Variants in PBX3 observed in about 807,000 individuals in gnomAD.
The protein encoded by PBX3 is PBX homeobox 3.
In PBX3, 14 loss-of-function variants were observed where a neutral mutation model predicts 48.5. That is an observed-to-expected ratio of 0.29 (90% CI 0.19 to 0.45). PBX3 has a LOEUF of 0.45. Ranked by LOEUF, PBX3 falls within the 20% of genes least tolerant of loss-of-function variation. The pLI is 1.00. For synonymous variants in PBX3, 210 were observed against 200.3 expected (o/e 1.05, Z -0.41); for missense variants, 386 against 546.7 (o/e 0.71, Z 2.93).
At chr9:125,777,750 C>A (rs1474922116) in intron 2 of PBX3, among the ~76,000 whole-genome samples, 2 of 152,102 alleles carry the variant, frequency 1.3e-5, no homozygotes, top group Non-Finnish European at 2.9e-5. Flanking sequence ...TTACTTTACT[C>A]TCTTTCTTTG....
intron 2 of PBX3, among the ~76,000 whole-genome samples, chr9:125,906,867 ATTTAACCAAT>A (rs1841085033): frequency 6.6e-6 from 1 of 152,022 alleles, no homozygotes; most frequent in African/African-American, 2.4e-5. Context: ...TTTGGTGAAA[ATTTAACCAAT>A]TTTAACCAGA....
chr9:125,781,365 C>G (rs141178869), intron 2 of PBX3, among the ~76,000 whole-genome samples: 5,352 of 151,738 alleles, frequency 0.035, 333 homozygotes, highest in African/African-American at 0.12. Flanking sequence ...CAAAAAAGTA[C>G]GAAAACCAGT....
intron 2 of PBX3, among the ~76,000 whole-genome samples, chr9:125,858,865 A>G (rs1048213550): frequency 1.5e-4 from 23 of 152,154 alleles, no homozygotes; most frequent in African/African-American, 3.6e-4. Context: ...ATGTCAGGCA[A>G]TCCACCATCC....
chr9:125,916,535 C>G (rs769353301), intron 3 of PBX3, among the ~76,000 whole-genome samples: 21 of 152,148 alleles, frequency 1.4e-4, no homozygotes, highest in Non-Finnish European at 2.6e-4. Context: ...GGTTAAAAAT[C>G]TGGTTCTCAG....
intron 4 of PBX3, among the ~76,000 whole-genome samples, chr9:125,932,644 A>G (rs565909436): frequency 6.6e-6 from 1 of 152,368 alleles, no homozygotes; most frequent in East Asian, 1.9e-4. Flanking sequence ...GCATTTTAAT[A>G]AAAAGCATTA....
intron 2 of PBX3, chr9:125,843,611 C>T (rs887341257): frequency 1.7e-5 from 4 of 234,240 alleles, no homozygotes; most frequent in Non-Finnish European, 2.7e-5. Flanking sequence ...TTTTAATGGC[C>T]GGTGCTTGGT....
intron 2 of PBX3, among the ~76,000 whole-genome samples, chr9:125,777,010 C>CT (rs1299800849): frequency 3.2e-5 from 3 of 94,350 alleles, no homozygotes; most frequent in Admixed American, 1.1e-4. Context: ...TTTTTCTTTT[C>CT]TTTTCTTTTT....
chr9:125,781,579 G>A (rs140700528), intron 2 of PBX3, among the ~76,000 whole-genome samples: 1 of 148,294 alleles, frequency 6.7e-6, no homozygotes, highest in Admixed American at 6.8e-5. Flanking sequence ...AGGGGAGAGG[G>A]GAGAGGCGAG....
Position 125,960,792 on chromosome 9 carries a change from G to A in PBX3, c.952G>A (p.Ala318Thr), listed in dbSNP as rs1211338268. ...AAKTAVTAAH[A>T]VAAAVQNNQT... ...AAAGACGGCCGTGACAGCTGCACAC[G>A]CAGTAGCAGCAGCTGTGCAGAACAA... Residue 318 changes from alanine to threonine, a missense_variant, in exon 6 of 9, where the codon GCA becomes ACA. Around this residue, in one of 4 missense-constraint regions of PBX3, gnomAD observed 74 missense variants for 206.1 expected, o/e 0.36. Coordinates refer to ENST00000373489, the MANE Select transcript of PBX3 (RefSeq NM_006195.6). The A allele has an allele frequency of 1.9e-6, 3 of 1,614,146 alleles. No homozygotes were observed. The highest frequency in any genetic ancestry group is 1.6e-4 in the Middle Eastern group (1 of 6,062).
intron 2 of PBX3, among the ~76,000 whole-genome samples, chr9:125,906,876 A>G (rs1368700041): frequency 4.6e-5 from 7 of 152,046 alleles, no homozygotes; most frequent in East Asian, 1.9e-4. Flanking sequence ...AATTTAACCA[A>G]TTTTAACCAG....
At chr9:125,909,796 C>CA (rs762501443) in intron 2 of PBX3, among the ~76,000 whole-genome samples, 14 of 152,074 alleles carry the variant, frequency 9.2e-5, no homozygotes, top group Non-Finnish European at 4.4e-5. Flanking sequence ...CGGTCCTGCC[C>CA]AGGAGTCTAG....
chr9:125,782,295 G>T (rs189614220), intron 2 of PBX3, among the ~76,000 whole-genome samples: 1 of 152,196 alleles, frequency 6.6e-6, no homozygotes, highest in Non-Finnish European at 1.5e-5. Context: ...ACTATCATGA[G>T]ACCAGCATGG....
intron 2 of PBX3, among the ~76,000 whole-genome samples, chr9:125,890,515 C>G (rs1215250068): frequency 6.6e-6 from 1 of 152,212 alleles, no homozygotes; most frequent in Non-Finnish European, 1.5e-5. Flanking sequence ...AAAATTATTG[C>G]TCTTTCCAGG....
At chr9:125,856,353 A>G (rs1839722977) in intron 2 of PBX3, among the ~76,000 whole-genome samples, 1 of 152,176 alleles carries the variant, frequency 6.6e-6, no homozygotes, top group African/African-American at 2.4e-5. Context: ...GTCACAGGTC[A>G]GGCTTAAAAT....
chr9:125,899,747 T>C (rs1840897485), intron 2 of PBX3, among the ~76,000 whole-genome samples: 1 of 151,684 alleles, frequency 6.6e-6, no homozygotes, highest in African/African-American at 2.4e-5. Context: ...CATGTGAAAA[T>C]AAATTATTTG....
intron 5 of PBX3, among the ~76,000 whole-genome samples, chr9:125,937,371 G>A (rs1444613904): frequency 1.3e-5 from 2 of 151,992 alleles, no homozygotes; most frequent in African/African-American, 2.4e-5. Context: ...AAAAAAAACA[G>A]TTAATTATTA....
chr9:125,775,154 A>C (rs1270340684), intron 2 of PBX3, among the ~76,000 whole-genome samples: 1 of 152,240 alleles, frequency 6.6e-6, no homozygotes, highest in Non-Finnish European at 1.5e-5. Context: ...GGCATGAGCC[A>C]CTGTGCCTGG....
intron 3 of PBX3, among the ~76,000 whole-genome samples, chr9:125,929,113 A>G (rs1263629128): frequency 6.6e-6 from 1 of 152,246 alleles, no homozygotes; most frequent in East Asian, 1.9e-4. Context: ...TGAAGCCTAC[A>G]GATGAAAATA....
chr9:125,915,961 A>C (rs1841322777), intron 3 of PBX3, 34 bp downstream of exon 3: 3 of 1,602,364 alleles, frequency 1.9e-6, no homozygotes, highest in Middle Eastern at 1.7e-4. Flanking sequence ...TCCTACACAA[A>C]CCCTCTGTTG....
Sources: allele counts gnomAD v4.1 joint callset (sites outside exome capture counted in the v4.1 genomes callset), GRCh38; gene constraint gnomAD v4.1.1; regional missense constraint gnomAD v4.1.1; transcripts MANE v1.5; gene names NCBI Gene and HGNC (gene_info 2026-07-23, HGNC 2026-07-21).